RIMS2: variants seen among roughly 807,000 people sequenced by gnomAD.
RIMS2 encodes the protein regulating synaptic membrane exocytosis 2, also known as regulating synaptic membrane exocytosis protein 2.
Under a neutral mutation model 174.4 loss-of-function variants are expected in RIMS2, and 59 were observed. The observed-to-expected ratio is 0.34, with a 90% CI of 0.27 to 0.42. The LOEUF is 0.42. Ranked by LOEUF, RIMS2 falls within the 10% of genes least tolerant of loss-of-function variation. The pLI, the probability that RIMS2 is intolerant of heterozygous loss-of-function variation, is 1.00. For synonymous variants in RIMS2, 606 were observed against 572.5 expected (o/e 1.06, Z -0.84); for missense variants, 1,620 against 1,666.3 (o/e 0.97, Z 0.48).
At chr8:104,157,697 C>A (rs891837218) in intron 19 of RIMS2, among the ~76,000 whole-genome samples, 1 of 152,010 alleles carries the variant, frequency 6.6e-6, no homozygotes, top group Non-Finnish European at 1.5e-5. Flanking sequence ...ATGTATACAC[C>A]ACATTTTGTT....
intron 1 of RIMS2, among the ~76,000 whole-genome samples, chr8:103,611,795 G>T (rs1233746401): frequency 6.6e-6 from 1 of 151,482 alleles, no homozygotes; most frequent in African/African-American, 2.4e-5. Context: ...TAGCCTTCTT[G>T]TACTTGAATG....
At chr8:103,542,743 C>T (rs559758273) in intron 1 of RIMS2, among the ~76,000 whole-genome samples, 2 of 152,132 alleles carry the variant, frequency 1.3e-5, no homozygotes, top group South Asian at 4.2e-4. Flanking sequence ...ATGTGATATA[C>T]CACATTAACA....
intron 19 of RIMS2, among the ~76,000 whole-genome samples, chr8:104,027,301 T>C (rs72683159): frequency 0.13 from 19,482 of 152,210 alleles, 1,704 homozygotes; most frequent in Non-Finnish European, 0.19. Context: ...TACTTGTAAA[T>C]GAATATTTCT....
intron 1 of RIMS2, among the ~76,000 whole-genome samples, chr8:103,514,543 G>A (rs1210431221): frequency 6.6e-6 from 1 of 151,982 alleles, no homozygotes; most frequent in Non-Finnish European, 1.5e-5. Context: ...CAAATGTTGA[G>A]TTATGAAAAC....
intron 3 of RIMS2, among the ~76,000 whole-genome samples, chr8:103,829,072 GAATTTAAT>G: frequency 7.0e-6 from 1 of 142,224 alleles, no homozygotes; most frequent in African/African-American, 2.6e-5. Flanking sequence ...GGTTCTATGT[GAATTTAAT>G]AATAGGTTTT....
chr8:104,209,897 T>C (rs1473356719), intron 19 of RIMS2, among the ~76,000 whole-genome samples: 1 of 152,060 alleles, frequency 6.6e-6, no homozygotes, highest in Non-Finnish European at 1.5e-5. Flanking sequence ...TAATAAAAAA[T>C]GAAATTGAGT....
intron 19 of RIMS2, among the ~76,000 whole-genome samples, chr8:104,107,317 T>TAA (rs2098089122): frequency 1.3e-5 from 2 of 152,158 alleles, no homozygotes; most frequent in Admixed American, 6.5e-5. Flanking sequence ...AGCTTATATA[T>TAA]AATGTTCTTT....
intron 19 of RIMS2, among the ~76,000 whole-genome samples, chr8:104,143,157 T>C (rs1599826410): frequency 6.6e-6 from 1 of 152,362 alleles, no homozygotes; most frequent in Non-Finnish European, 1.5e-5. Context: ...ATCATTTTTG[T>C]ATCCGCATAT....
At chr8:103,959,375 C>G (rs982552770) in intron 14 of RIMS2, among the ~76,000 whole-genome samples, 2 of 151,744 alleles carry the variant, frequency 1.3e-5, no homozygotes, top group Non-Finnish European at 2.9e-5. Context: ...CTTTTAATCT[C>G]TATTGTTTTA....
intron 19 of RIMS2, among the ~76,000 whole-genome samples, chr8:104,244,385 T>C (rs771928767): frequency 1.5e-4 from 22 of 151,434 alleles, no homozygotes; most frequent in South Asian, 4.2e-4. Context: ...TTTTTCCTTC[T>C]AATATCTATC....
At chr8:104,009,037 T>C (rs2095674125) in intron 17 of RIMS2, among the ~76,000 whole-genome samples, 1 of 152,156 alleles carries the variant, frequency 6.6e-6, no homozygotes, top group Non-Finnish European at 1.5e-5. Context: ...AATAATGAGC[T>C]AGAATTTTTA....
chr8:104,148,810 C>T (rs370826934), intron 19 of RIMS2: 104 of 1,598,256 alleles, frequency 6.5e-5, no homozygotes, highest in Non-Finnish European at 8.4e-5. Context: ...GTTGGTCTGT[C>T]ACGGAAAAGT....
intron 19 of RIMS2, among the ~76,000 whole-genome samples, chr8:104,077,549 T>C (rs974472763): frequency 1.3e-5 from 2 of 151,318 alleles, no homozygotes; most frequent in Non-Finnish European, 2.9e-5. Context: ...GCTGATTGTA[T>C]TTAAATTTTA....
At chr8:103,849,195 T>C (rs188588114) in intron 3 of RIMS2, among the ~76,000 whole-genome samples, 2 of 152,182 alleles carry the variant, frequency 1.3e-5, no homozygotes, top group African/African-American at 4.8e-5. Context: ...ATATATTCAG[T>C]CCACTTACAG....
chr8:103,732,186 C>CT (rs749510697), intron 2 of RIMS2, among the ~76,000 whole-genome samples: 1 of 152,214 alleles, frequency 6.6e-6, no homozygotes, highest in African/African-American at 2.4e-5. Flanking sequence ...TGCTGTGACT[C>CT]TAACAGACTC....
chr8:104,127,489 T>C (rs755771862), intron 19 of RIMS2, among the ~76,000 whole-genome samples: 1 of 152,152 alleles, frequency 6.6e-6, no homozygotes, highest in African/African-American at 2.4e-5. Context: ...GTGTTGTATA[T>C]AGCATTGTGT....
intron 19 of RIMS2, 58 bp downstream of exon 23, chr8:104,068,670 T>A: frequency 1.1e-6 from 1 of 886,234 alleles, no homozygotes; most frequent in Admixed American, 2.0e-5. Flanking sequence ...AACAGTTAGA[T>A]TCTTTTAAAC....
chr8:103,888,872 A>G (rs2099224288), intron 4 of RIMS2, among the ~76,000 whole-genome samples: 2 of 151,716 alleles, frequency 1.3e-5, no homozygotes, highest in South Asian at 4.1e-4. Flanking sequence ...TTATTTAATC[A>G]TTTGTTTCAC....
intron 1 of RIMS2, among the ~76,000 whole-genome samples, chr8:103,574,690 T>C (rs1170889050): frequency 6.6e-6 from 1 of 152,198 alleles, no homozygotes; most frequent in Non-Finnish European, 1.5e-5. Flanking sequence ...CGAGTGGTAC[T>C]TGGCTGGTAG....
Sources: allele counts gnomAD v4.1 joint callset (sites outside exome capture counted in the v4.1 genomes callset), GRCh38; gene constraint gnomAD v4.1.1; transcripts MANE v1.5; gene names NCBI Gene and HGNC (gene_info 2026-07-23, HGNC 2026-07-21).